The following TMIGD3 variants were observed in gnomAD, a reference collection of about 807,000 sequenced individuals.
TMIGD3 encodes the protein transmembrane and immunoglobulin domain containing 3.
Under a neutral mutation model 28.1 loss-of-function variants are expected in TMIGD3, and 21 were observed. The observed-to-expected ratio is 0.75, with a 90% CI of 0.53 to 1.08. The LOEUF (loss-of-function observed/expected upper bound fraction) is 1.08. TMIGD3 is among the 50% of genes least tolerant of loss of function. The probability of loss-of-function intolerance (pLI) is 0.00; values close to 1 mark genes in which losing one functional copy is unlikely to be tolerated. For synonymous variants in TMIGD3, 151 were observed against 162.1 expected (o/e 0.93, Z 0.52); for missense variants, 416 against 435.6 (o/e 0.96, Z 0.40).
intron 5 of TMIGD3, among the ~76,000 whole-genome samples, chr1:111,485,095 G>A (rs1447077350): frequency 6.6e-6 from 1 of 152,220 alleles, no homozygotes; most frequent in African/African-American, 2.4e-5. Flanking sequence ...CAGGCTTGAG[G>A]CAGGAGAATC....
chr1:111,539,853 G>A (rs984066943), intron 1 of TMIGD3, among the ~76,000 whole-genome samples: 2 of 152,138 alleles, frequency 1.3e-5, no homozygotes, highest in African/African-American at 4.8e-5. Flanking sequence ...CAGCAATAAG[G>A]CAAAAGATAA....
rs191574901 is a variant in TMIGD3 at position 111,551,892 on chromosome 1, G to C, written c.107+11954C>G. 7.9e-4 allele frequency among the ~76,000 whole-genome samples: 121 copies of C among 152,276 alleles called. 1 individual carries two copies. Among genetic ancestry groups the C allele is most frequent in the Admixed American group, 5.7e-3 (87 of 15,294 alleles). On this transcript the variant is annotated intron_variant, in intron 1 of 5. Coordinates refer to the TMIGD3 transcript ENST00000369717. ...TTACTGTTTGCTCAGGTAAACTAGA[G>C]GGGAGAAATCAGGACTTTCTCTGGT...
At chr1:111,504,828 T>G (rs917575828), upstream of TMIGD3, 19 of 983,528 alleles carry the variant, frequency 1.9e-5, no homozygotes, top group South Asian at 5.6e-4. Flanking sequence ...ACCCCCACCC[T>G]GTATCCCAAG....
upstream of TMIGD3, among the ~76,000 whole-genome samples, chr1:111,505,836 T>A (rs939835492): frequency 1.3e-5 from 2 of 151,934 alleles, no homozygotes; most frequent in African/African-American, 4.8e-5. Flanking sequence ...GGTCTGCACA[T>A]TGCCTTAGGA....
intron 1 of TMIGD3, among the ~76,000 whole-genome samples, chr1:111,550,731 G>A (rs1657223697): frequency 6.6e-6 from 1 of 152,192 alleles, no homozygotes; most frequent in South Asian, 2.1e-4. Flanking sequence ...CTAGGCTCAA[G>A]CAGTCTTCAC....
exon 1 of TMIGD3, chr1:111,563,933 C>A (rs1657850003): frequency 6.2e-6 from 10 of 1,613,818 alleles, no homozygotes; most frequent in Non-Finnish European, 8.5e-6. Context: ...CTCAATGGGT[C>A]CTGCTGGAGA....
At chr1:111,502,457 A>G (rs1210386999) in intron 1 of TMIGD3, among the ~76,000 whole-genome samples, 1 of 143,612 alleles carries the variant, frequency 7.0e-6, no homozygotes, top group African/African-American at 2.5e-5. Context: ...GAATATATAT[A>G]GGATACATAT....
intron 1 of TMIGD3, among the ~76,000 whole-genome samples, chr1:111,524,397 T>A (rs1015299391): frequency 5.3e-5 from 8 of 152,112 alleles, no homozygotes; most frequent in Non-Finnish European, 1.2e-4. Flanking sequence ...TTAAAAAAAA[T>A]TTTAAATGAC....
At position 111,503,291 on chromosome 1, in the gene TMIGD3, T is replaced by C; in HGVS notation, c.64A>G (p.Ile22Val). The C allele has an allele frequency of 1.9e-6, 3 of 1,614,156 alleles. No individual in the cohort carries two copies. Among genetic ancestry groups the C allele is most frequent in the Non-Finnish European group, 8.5e-7 (1 of 1,180,008 alleles). Residue 22 changes from isoleucine to valine, a missense_variant, in exon 1 of 6, where the codon ATT becomes GTT. Transcript: ENST00000369716. ...TTGCCCACTATGGCGCAGAGTCCAA[T>C]GAAAATTTCCATGGTGATGTAGGTA... ...NVTYITMEIF[I>V]GLCAIVGNVL...
At chr1:111,537,551 G>A (rs904534357) in intron 1 of TMIGD3, among the ~76,000 whole-genome samples, 34 of 152,272 alleles carry the variant, frequency 2.2e-4, no homozygotes, top group African/African-American at 8.2e-4. Context: ...GAGAAAATGA[G>A]ACCAAAGAGA....
chr1:111,524,033 T>C (rs532572419), intron 1 of TMIGD3, among the ~76,000 whole-genome samples: 253 of 107,022 alleles, frequency 2.4e-3, no homozygotes, highest in Middle Eastern at 0.012. Context: ...CTTTTCTTTT[T>C]TTTTTTTTTT....
At chr1:111,490,494 A>C (rs967193154) in intron 2 of TMIGD3, 162 bp downstream of exon 2, 2 of 602,262 alleles carry the variant, frequency 3.3e-6, no homozygotes, top group African/African-American at 3.7e-5. Context: ...AACAAGAACT[A>C]ATATGGACAA....
At chr1:111,560,046 A>C (rs1383073693) in intron 1 of TMIGD3, among the ~76,000 whole-genome samples, 1 of 152,198 alleles carries the variant, frequency 6.6e-6, no homozygotes, top group African/African-American at 2.4e-5. Flanking sequence ...AATTTTTTTC[A>C]TTCAACACTC....
At chr1:111,540,979 A>C (rs1215630923) in intron 1 of TMIGD3, among the ~76,000 whole-genome samples, 3 of 152,060 alleles carry the variant, frequency 2.0e-5, no homozygotes, top group Non-Finnish European at 2.9e-5. Flanking sequence ...TTTTCTGAAA[A>C]GGGACAGATG....
chr1:111,518,513 T>C (rs1009643475), intron 1 of TMIGD3, among the ~76,000 whole-genome samples: 9 of 152,164 alleles, frequency 5.9e-5, no homozygotes, highest in African/African-American at 1.7e-4. Context: ...TACTAAATGG[T>C]CCCTGGGAGA....
In TMIGD3 at chr1:111,485,749, T is replaced by A; in HGVS notation, c.964A>T (p.Asn322Tyr). The A allele has an allele frequency of 6.4e-7, 1 of 1,555,298 alleles. No individual in the cohort carries two copies. Among genetic ancestry groups the A allele is most frequent in the Non-Finnish European group, 8.9e-7 (1 of 1,128,332 alleles). Residue 322 changes from asparagine (N) to tyrosine (Y), a missense_variant, in exon 5 of 6, where the codon AAT (asparagine) becomes TAT (tyrosine). Coordinates refer to ENST00000369716, the MANE Select transcript of TMIGD3 (RefSeq NM_020683.7). ...AACAATAGCTACTTACCCCTTCTATTCCTTTGACTTCTCCTCCTTTTGGTC... is the reference window on the plus strand; with the variant it reads ...AACAATAGCTACTTACCCCTTCTATACCTTTGACTTCTCCTCCTTTTGGTC... ...HLTKRRRSQR[N>Y]RRVGNTLKPF...
rs146652193 is a variant in TMIGD3 at position 111,535,438 on chromosome 1, C to T, written c.107+28408G>A. ...TGCTGTAAGCAGCGGGCATGGAATC[C>T]CTCTGGACTTTTGAAATCAGATGGG... is the stretch of plus-strand genomic sequence containing the variant. On this transcript the variant is annotated intron_variant, in intron 1 of 5. Transcript: ENST00000369717. Among the ~76,000 whole-genome samples the T allele has an allele frequency of 9.2e-5, 14 of 152,304 alleles. No homozygotes were observed. The East Asian group carries it at 2.7e-3, about 29-fold the overall frequency.
rs1235702151 is a variant in TMIGD3, at chr1:111,499,472, T to C, written c.350+3533A>G. ...TTACTCAAAAACATCCACAGGTGAATTCAGCAGTTTAAGTCCCCCTTAAAC... is the reference window on the plus strand; with the variant it reads ...TTACTCAAAAACATCCACAGGTGAACTCAGCAGTTTAAGTCCCCCTTAAAC... On this transcript the variant is annotated intron_variant, in intron 1 of 5. Coordinates refer to ENST00000369716, the MANE Select transcript of TMIGD3 (RefSeq NM_020683.7). 10 of 993,288 alleles carry C rather than the reference T, an allele frequency of 1.0e-5. No homozygotes were observed. In the African/African-American group the frequency reaches 1.7e-4, roughly 17 times the overall value. The allele number at this position is 993,288 out of a possible 1,614,324, so 61.5% of individuals were successfully genotyped here.
chr1:111,532,362 C>A (rs1303180104), intron 1 of TMIGD3, among the ~76,000 whole-genome samples: 1 of 152,114 alleles, frequency 6.6e-6, no homozygotes, highest in African/African-American at 2.4e-5. Context: ...GAAAACATGC[C>A]GTGCCCTAAA....
Sources: gnomAD v4.1 joint callset for allele counts (sites outside exome capture counted in the v4.1 genomes callset) on GRCh38, gnomAD v4.1.1 for gene constraint, MANE v1.5 for transcripts, NCBI Gene and HGNC (gene_info 2026-07-23, HGNC 2026-07-21) for gene names.